CELSR1: variants seen among roughly 807,000 people sequenced by gnomAD.
The protein encoded by CELSR1 is cadherin EGF LAG seven-pass G-type receptor 1.
A neutral mutation model predicts 249.1 loss-of-function variants in CELSR1; 110 were observed. The observed-to-expected ratio is 0.44, with a 90% confidence interval of 0.38 to 0.52. CELSR1 has a LOEUF of 0.52. CELSR1 is among the 20% of genes least tolerant of loss of function. The pLI, the probability that CELSR1 is intolerant of heterozygous loss-of-function variation, is 0.00. For missense variants in CELSR1, 4,109 were observed against 4,296.4 expected, an observed-to-expected ratio of 0.96 and a Z score of 1.22; for synonymous variants, 2,113 against 1,900.0, an observed-to-expected ratio of 1.11 and a Z score of -2.92.
chr22:46,449,926 A>G (rs1057096531), intron 2 of CELSR1, among the ~76,000 whole-genome samples: 1 of 152,206 alleles, frequency 6.6e-6, no homozygotes, highest in Non-Finnish European at 1.5e-5. Flanking sequence ...TACATGGCTC[A>G]CGTGCTCACA....
At chr22:46,439,029 A>G (rs978995205) in intron 3 of CELSR1, among the ~76,000 whole-genome samples, 160 bp downstream of exon 3, 2 of 152,164 alleles carry the variant, frequency 1.3e-5, no homozygotes, top group African/African-American at 2.4e-5. Flanking sequence ...AAGTGCTGGG[A>G]TTACAGGCGT....
chr22:46,431,231 C>A (rs1050286704), intron 5 of CELSR1, among the ~76,000 whole-genome samples: 2 of 152,240 alleles, frequency 1.3e-5, no homozygotes, highest in Non-Finnish European at 2.9e-5. Flanking sequence ...CGGAAAGGGG[C>A]GGCCACAGGC....
Position 46,393,651 on chromosome 22 carries a change from T to C in CELSR1, c.5964+491A>G, listed in dbSNP as rs1023718492. On this transcript the variant is annotated intron_variant, in intron 14 of 34. Coordinates refer to ENST00000674500, the MANE Select transcript of CELSR1 (RefSeq NM_001378328.1). The surrounding 1 kb of genome is among the most constrained non-coding windows in gnomAD (Gnocchi z 4.1). ...TACTCAGGAGGCTGAGGCAGAAGAATTGCTGGAACCCGGGAGGCGGAGGCT... is the reference window on the plus strand; with the variant it reads ...TACTCAGGAGGCTGAGGCAGAAGAACTGCTGGAACCCGGGAGGCGGAGGCT... Among the ~76,000 whole-genome samples the C allele has an allele frequency of 9.2e-5, 14 of 151,674 alleles. No homozygotes were observed. Among genetic ancestry groups the C allele is most frequent in the African/African-American group, 2.2e-4 (9 of 41,240 alleles).
At chr22:46,370,035 G>C (rs1455471063) in intron 25 of CELSR1, 6 of 622,164 alleles carry the variant, frequency 9.6e-6, no homozygotes, top group Non-Finnish European at 1.8e-5. Context: ...TTGGCCCCAT[G>C]AGGCAGGGGG....
At position 46,390,303 on chromosome 22, in the gene CELSR1, C is replaced by T; in HGVS notation, c.6345+89G>A. The T allele has an allele frequency of 9.0e-7, 1 of 1,108,900 alleles. No individual in the cohort carries two copies. 68.7% of individuals were successfully genotyped at this position (1,108,900 alleles called of 1,614,324 possible). ...TCCCAGCCGCCCCAACACTCCCCAG[C>T]CCAGGAGCCTCGGCCCACACAAACT... On this transcript the variant is annotated intron_variant, in intron 17 of 34. Coordinates refer to ENST00000674500, the MANE Select transcript of CELSR1 (RefSeq NM_001378328.1). The surrounding 1 kb of genome is among the most constrained non-coding windows in gnomAD (Gnocchi z 6.3).
rs1461488188 is a variant in CELSR1, at chr22:46,374,029, G to A, written c.7585-972C>T. 6.6e-6 allele frequency among the ~76,000 whole-genome samples: 1 copy of A among 152,226 alleles called. No homozygotes were observed. Among genetic ancestry groups the A allele is most frequent in the Non-Finnish European group, 1.5e-5 (1 of 68,044 alleles). The stretch of plus-strand genomic sequence containing the variant: ...TCCAGAAACAACGCCCCCGAGGTGG[G>A]GAGGGCCCCAAGTCAGCATCGCATC... On this transcript the variant is annotated intron_variant, in intron 24 of 34. Coordinates refer to ENST00000674500, the MANE Select transcript of CELSR1 (RefSeq NM_001378328.1). This position sits in a 1 kb window ranked among gnomAD's most constrained non-coding sequence, Gnocchi z 4.3.
intron 1 of CELSR1, among the ~76,000 whole-genome samples, chr22:46,525,653 G>A (rs1456361722): frequency 6.6e-6 from 1 of 152,226 alleles, no homozygotes; most frequent in Non-Finnish European, 1.5e-5. Context: ...GCACCCAGAA[G>A]ATAACATCTA....
chr22:46,369,942 G>T, intron 25 of CELSR1, 138 bp from the exon 26 acceptor site: 1 of 733,884 alleles, frequency 1.4e-6, no homozygotes, highest in Non-Finnish European at 2.4e-6. Context: ...AGTCCAGGGA[G>T]CCAGCCCAGG....
chr22:46,377,004 T>C (rs112171051), intron 24 of CELSR1, 57 bp downstream of exon 24: 27 of 1,574,372 alleles, frequency 1.7e-5, no homozygotes, highest in African/African-American at 1.5e-4. Flanking sequence ...GACAGGACTA[T>C]GGTAGCTGCT....
intron 19 of CELSR1, 28 bp from the exon 20 acceptor site, chr22:46,384,714 A>G (rs1217657957): frequency 2.5e-6 from 4 of 1,598,482 alleles, no homozygotes; most frequent in African/African-American, 1.3e-5. Context: ...TTAATCAGAC[A>G]TAACTCCCAG....
rs530494040 is a variant in CELSR1 at position 46,445,816 on chromosome 22, G to A, written c.4184-6405C>T. ...AAGCGTCCAGGACTCCCCGGGTGCTGTTCTCCCTGCTTGCAGGAGATGCTG... is the reference window on the plus strand; with the variant it reads ...AAGCGTCCAGGACTCCCCGGGTGCTATTCTCCCTGCTTGCAGGAGATGCTG... On this transcript the variant is annotated intron_variant, in intron 2 of 34. Coordinates refer to ENST00000674500, the MANE Select transcript of CELSR1 (RefSeq NM_001378328.1). The surrounding 1 kb of genome is among the most constrained non-coding windows in gnomAD (Gnocchi z 4.4). Among the ~76,000 whole-genome samples the A allele has an allele frequency of 6.6e-6, 1 of 152,316 alleles. No individual in the cohort carries two copies. Among genetic ancestry groups the A allele is most frequent in the African/African-American group, 2.4e-5 (1 of 41,582 alleles).
chr22:46,423,465 C>A lies in CELSR1; in HGVS notation c.4611+9928G>T, dbSNP rs376585851. On this transcript the variant is annotated intron_variant, in intron 5 of 34. Coordinates refer to ENST00000674500, the MANE Select transcript of CELSR1 (RefSeq NM_001378328.1). The surrounding 1 kb of genome is among the most constrained non-coding windows in gnomAD (Gnocchi z 5.6). ...TACTAAAAATACAAAATTAGCCGGG[C>A]GTGGTGGTGCAGGCCTGTAATCCCA... Among the ~76,000 whole-genome samples, 3 of 151,850 alleles carry A rather than the reference C, an allele frequency of 2.0e-5. No individual in the cohort carries two copies. The highest frequency in any genetic ancestry group is 7.3e-5 in the African/African-American group (3 of 41,326).
intron 2 of CELSR1, among the ~76,000 whole-genome samples, chr22:46,456,908 G>T (rs1336377086): frequency 6.7e-6 from 1 of 149,224 alleles, no homozygotes; most frequent in Non-Finnish European, 1.5e-5. Context: ...GGGGGTGGGG[G>T]GCTCATACAG....
At chr22:46,469,242 T>C (rs905785027) in intron 1 of CELSR1, among the ~76,000 whole-genome samples, 11 of 152,148 alleles carry the variant, frequency 7.2e-5, no homozygotes, top group African/African-American at 2.7e-4. Context: ...CTTGCTCCCC[T>C]GTGGTCCCTA....
chr22:46,455,775 A>C (rs2079941834), intron 2 of CELSR1, among the ~76,000 whole-genome samples: 1 of 152,228 alleles, frequency 6.6e-6, no homozygotes, highest in Non-Finnish European at 1.5e-5. Flanking sequence ...TCTGTTTATC[A>C]AAAGCCCCAG....
In CELSR1 at chr22:46,400,990, C is replaced by G. The variant is rs2079205448; in HGVS notation, c.5227-1088G>C. 4.0e-5 allele frequency among the ~76,000 whole-genome samples: 6 copies of G among 151,858 alleles called. No individual in the cohort carries two copies. The South Asian group carries it at 1.2e-3, about 32-fold the overall frequency. Reference sequence around the variant, plus strand: ...GTATAGGCAAAGTTGTTCTTTGTTGCTGTTGCCTTTAACACTGATCAGAAT... The same window carrying G: ...GTATAGGCAAAGTTGTTCTTTGTTGGTGTTGCCTTTAACACTGATCAGAAT... On this transcript the variant is annotated intron_variant, in intron 9 of 34. Transcript: ENST00000674500.
intron 2 of CELSR1, among the ~76,000 whole-genome samples, chr22:46,452,200 C>G (rs1569173276): frequency 6.6e-6 from 1 of 152,200 alleles, no homozygotes; most frequent in African/African-American, 2.4e-5. Flanking sequence ...ACCAGCCAGT[C>G]AGCAGGAACC....
chr22:46,499,185 TAA>T (rs10606942), intron 1 of CELSR1, among the ~76,000 whole-genome samples: 87,353 of 131,040 alleles, frequency 0.67, 28,845 homozygotes, highest in East Asian at 0.85. Flanking sequence ...GTTGCAAATC[TAA>T]AAAAAAAAAA....
At chr22:46,449,423 T>A (rs1352156983) in intron 2 of CELSR1, among the ~76,000 whole-genome samples, 3 of 151,070 alleles carry the variant, frequency 2.0e-5, no homozygotes, top group South Asian at 2.1e-4. Context: ...CAACCACCCA[T>A]CACACAGCCA....
Sources: gnomAD v4.1 joint callset for allele counts (sites outside exome capture counted in the v4.1 genomes callset) on GRCh38, gnomAD v4.1.1 for gene constraint, Gnocchi (gnomAD v3.1) non-coding constraint, MANE v1.5 for transcripts, NCBI Gene and HGNC (gene_info 2026-07-23, HGNC 2026-07-21) for gene names.